Variants in CACNA2D3 observed in about 807,000 individuals in gnomAD.
The protein encoded by CACNA2D3 is voltage-dependent calcium channel subunit alpha-2/delta-3.
A neutral mutation model predicts 160.6 loss-of-function variants in CACNA2D3; 60 were observed. The observed-to-expected ratio is 0.37, with a 90% CI of 0.30 to 0.46. The LOEUF is 0.46. Among genes scored for constraint, CACNA2D3 ranks in the 20% least tolerant of loss-of-function variants. The probability of loss-of-function intolerance (pLI) is 1.00; values close to 1 mark genes in which losing one functional copy is unlikely to be tolerated. For synonymous variants in CACNA2D3, 558 were observed against 492.9 expected (o/e 1.13, Z -1.75); for missense variants, 1,205 against 1,365.0 (o/e 0.88, Z 1.85).
In CACNA2D3 at chr3:54,282,957, T is replaced by C. The variant is rs145462372; in HGVS notation, c.205-37485T>C. 6.0e-3 allele frequency among the ~76,000 whole-genome samples: 919 copies of C among 152,252 alleles called. 2 individuals carry two copies. Among genetic ancestry groups the C allele is most frequent in the Non-Finnish European group, 0.01 (688 of 68,018 alleles). ...TAGATAATAAAAGTCTGTTATCAAA[T>C]AGGAAGAAATACATGAGAAATAGGT... On this transcript the variant is annotated intron_variant, in intron 2 of 37. Transcript: ENST00000474759.
At chr3:54,448,550 G>A (rs908863113) in intron 4 of CACNA2D3, among the ~76,000 whole-genome samples, 2 of 152,208 alleles carry the variant, frequency 1.3e-5, no homozygotes, top group Non-Finnish European at 2.9e-5. Context: ...CAGAGGTGGG[G>A]TGAGGGATGC....
intron 11 of CACNA2D3, among the ~76,000 whole-genome samples, chr3:54,655,922 C>T (rs1699868541): frequency 6.6e-6 from 1 of 152,192 alleles, no homozygotes; most frequent in Non-Finnish European, 1.5e-5. Context: ...ATCTGAGTGA[C>T]TTCAGGCAAG....
chr3:54,948,170 T>A (rs1249504161), intron 27 of CACNA2D3, among the ~76,000 whole-genome samples: 3 of 152,146 alleles, frequency 2.0e-5, no homozygotes, highest in Non-Finnish European at 4.4e-5. Flanking sequence ...CACCCCCAGC[T>A]CACTTTCCCC....
chr3:54,517,799 C>T (rs1701578161), intron 5 of CACNA2D3, among the ~76,000 whole-genome samples: 1 of 152,166 alleles, frequency 6.6e-6, no homozygotes, highest in African/African-American at 2.4e-5. Context: ...GTTGCTCCAA[C>T]CCTGCCTCCC....
intron 27 of CACNA2D3, among the ~76,000 whole-genome samples, chr3:54,909,983 G>A (rs1441400921): frequency 1.3e-5 from 2 of 152,176 alleles, no homozygotes; most frequent in Non-Finnish European, 2.9e-5. Flanking sequence ...GCTTTGATCA[G>A]TGTCTGGTGG....
chr3:54,311,087 G>A (rs964586490), intron 2 of CACNA2D3, among the ~76,000 whole-genome samples: 1 of 152,148 alleles, frequency 6.6e-6, no homozygotes, highest in Non-Finnish European at 1.5e-5. Context: ...TAAGCCAAGC[G>A]GGATGCTGCT....
chr3:54,658,950 G>C (rs1559541600), intron 11 of CACNA2D3, among the ~76,000 whole-genome samples: 1 of 151,964 alleles, frequency 6.6e-6, no homozygotes, highest in East Asian at 1.9e-4. Flanking sequence ...AACTACTTTG[G>C]GGTCTTTGTG....
At chr3:54,268,927 G>A (rs1308736917) in intron 2 of CACNA2D3, among the ~76,000 whole-genome samples, 1 of 152,200 alleles carries the variant, frequency 6.6e-6, no homozygotes, top group East Asian at 1.9e-4. Flanking sequence ...AGAATCTTCT[G>A]GAAGTATGTG....
At chr3:54,314,564 A>G (rs1257358661) in intron 2 of CACNA2D3, among the ~76,000 whole-genome samples, 2 of 152,152 alleles carry the variant, frequency 1.3e-5, no homozygotes, top group Non-Finnish European at 2.9e-5. Context: ...CCACACCAAC[A>G]TATATTATTT....
chr3:54,750,037 G>A (rs572266809), intron 11 of CACNA2D3, among the ~76,000 whole-genome samples: 41 of 152,212 alleles, frequency 2.7e-4, no homozygotes, highest in Non-Finnish European at 5.6e-4. Context: ...TTATTCTGAA[G>A]CAGCCATGTC....
At chr3:54,924,677 C>T (rs532949078) in intron 27 of CACNA2D3, 6 of 1,614,132 alleles carry the variant, frequency 3.7e-6, no homozygotes, top group Non-Finnish European at 5.1e-6. Flanking sequence ...AATTGCATTT[C>T]CAGAGGTTGT....
chr3:55,028,981 A>G (rs1019489626), intron 35 of CACNA2D3, among the ~76,000 whole-genome samples: 1 of 152,188 alleles, frequency 6.6e-6, no homozygotes, highest in Non-Finnish European at 1.5e-5. Context: ...CTGTGTTGAC[A>G]TGTTTCGTGG....
At chr3:54,519,033 A>T (rs529625425) in intron 5 of CACNA2D3, among the ~76,000 whole-genome samples, 2 of 151,936 alleles carry the variant, frequency 1.3e-5, no homozygotes, top group Admixed American at 1.3e-4. Context: ...CCACCTGCAC[A>T]CGGAAGTCAT....
chr3:54,167,303 A>G (rs1418466455), intron 2 of CACNA2D3, among the ~76,000 whole-genome samples: 1 of 152,180 alleles, frequency 6.6e-6, no homozygotes, highest in African/African-American at 2.4e-5. Flanking sequence ...GGAAATATGT[A>G]TGATTTTGCT....
chr3:54,218,658 C>G (rs1490329355), intron 2 of CACNA2D3, among the ~76,000 whole-genome samples: 2 of 152,158 alleles, frequency 1.3e-5, no homozygotes, highest in African/African-American at 4.8e-5. Context: ...TGGCTTAAAG[C>G]AACATGAATT....
At chr3:54,755,699 T>C (rs1701956334) in intron 12 of CACNA2D3, among the ~76,000 whole-genome samples, 1 of 152,170 alleles carries the variant, frequency 6.6e-6, no homozygotes, top group Admixed American at 6.5e-5. Context: ...GAAGAGGCCT[T>C]TCTTGAAATT....
intron 35 of CACNA2D3, among the ~76,000 whole-genome samples, chr3:55,063,117 CT>C (rs1704552850): frequency 6.6e-6 from 1 of 152,130 alleles, no homozygotes; most frequent in Admixed American, 6.5e-5. Context: ...TTTAATAAGT[CT>C]TTTATAACTG....
Position 54,800,773 on chromosome 3 carries a change from T to C in CACNA2D3, c.1381-16080T>C, listed in dbSNP as rs188838352. On this transcript the variant is annotated intron_variant, in intron 13 of 37. Coordinates refer to ENST00000474759, the MANE Select transcript of CACNA2D3 (RefSeq NM_018398.3). ...AACTCCAGATCTTTTCATTCAAAATTAAGTTTGAAAATATGACCTTCAGTG... is the reference window on the plus strand; with the variant it reads ...AACTCCAGATCTTTTCATTCAAAATCAAGTTTGAAAATATGACCTTCAGTG... Among the ~76,000 whole-genome samples the C allele has an allele frequency of 4.3e-3, 656 of 152,270 alleles. 2 individuals carry two copies. Among genetic ancestry groups the C allele is most frequent in the Admixed American group, 6.9e-3 (105 of 15,294 alleles).
chr3:54,155,485 A>G (rs1700229688), intron 2 of CACNA2D3, among the ~76,000 whole-genome samples: 1 of 152,224 alleles, frequency 6.6e-6, no homozygotes, highest in Non-Finnish European at 1.5e-5. Flanking sequence ...GGTCAGAGCC[A>G]GTTATATGGC....
Sources: allele counts gnomAD v4.1 joint callset (sites outside exome capture counted in the v4.1 genomes callset), GRCh38; gene constraint gnomAD v4.1.1; transcripts MANE v1.5; gene names NCBI Gene and HGNC (gene_info 2026-07-23, HGNC 2026-07-21).